MIOS: variants seen among roughly 807,000 people sequenced by gnomAD.
MIOS encodes the protein meiosis regulator for oocyte development.
A neutral mutation model predicts 96.9 loss-of-function variants in MIOS; 52 were observed. That is an observed-to-expected ratio of 0.54 (90% CI 0.43 to 0.68). MIOS has a LOEUF of 0.68. MIOS is among the 30% of genes least tolerant of loss of function. MIOS has a pLI of 0.00. For missense variants in MIOS, 1,005 were observed against 1,052.8 expected (o/e 0.95, Z 0.63); for synonymous variants, 397 against 359.5 (o/e 1.10, Z -1.18).
chr7:7,588,888 T>C (rs1317634546), intron 8 of MIOS, among the ~76,000 whole-genome samples: 1 of 152,140 alleles, frequency 6.6e-6, no homozygotes, highest in Non-Finnish European at 1.5e-5. Context: ...ATGCCTATGC[T>C]GTGTATATAG....
intron 12 of MIOS, among the ~76,000 whole-genome samples, 188 bp from the exon 13 acceptor site, chr7:7,606,808 G>A (rs975417883): frequency 4.6e-5 from 7 of 152,090 alleles, no homozygotes; most frequent in Non-Finnish European, 1.0e-4. Context: ...GTAAACAGGT[G>A]GGCACAGTGG....
At chr7:7,586,638 T>C (rs1436014603) in intron 7 of MIOS, among the ~76,000 whole-genome samples, 2 of 152,262 alleles carry the variant, frequency 1.3e-5, no homozygotes, top group African/African-American at 2.4e-5. Context: ...TGTAAAAATA[T>C]GTATTTTATT....
In MIOS at chr7:7,572,988, A is replaced by G. The variant is rs1360045409; in HGVS notation, c.513A>G (p.Thr171=). ...VKLSAGETET[T]LLVTKPLYEL... The stretch of plus-strand genomic sequence containing the variant: ...TTTCAGCAGGTGAAACTGAAACAAC[A>G]TTATTAGTAACAAAACCACTTTATG... The change falls in exon 4 of 13, where the codon ACA becomes ACG. Residue 171 remains threonine (T), a synonymous_variant. Coordinates refer to ENST00000340080, the MANE Select transcript of MIOS (RefSeq NM_019005.4). The surrounding 1 kb of genome is among the most constrained non-coding windows in gnomAD (Gnocchi z 4.8). The G allele has an allele frequency of 1.2e-6, 2 of 1,613,994 alleles. No homozygotes were observed. The highest frequency in any genetic ancestry group is 1.7e-6 in the Non-Finnish European group (2 of 1,179,990).
rs763608188 is a variant in MIOS at position 7,573,681 on chromosome 7, T to C, written c.1206T>C (p.Tyr402=). 1.2e-6 allele frequency: 2 copies of C among 1,613,764 alleles called. No individual in the cohort carries two copies. The highest frequency in any genetic ancestry group is 2.2e-5 in the South Asian group (2 of 91,074). The change falls in exon 4 of 13, where the codon TAT becomes TAC. Residue 402 remains tyrosine, a synonymous_variant. Transcript: ENST00000340080. The surrounding 1 kb of genome is among the most constrained non-coding windows in gnomAD (Gnocchi z 5.0). ...TGCGTCTTCGGGCTTTATCAAGGTA[T>C]GGACTTGATACAGAGCAGGTGTGGA... The part of the protein sequence containing the change: ...TKMRLRALSR[Y]GLDTEQVWRN...
intron 8 of MIOS, 70 bp downstream of exon 8, chr7:7,588,633 C>A: frequency 6.2e-6 from 6 of 971,602 alleles, no homozygotes; most frequent in Non-Finnish European, 9.0e-6. Flanking sequence ...AGAAACTAGT[C>A]TTTATAATTA....
chr7:7,575,733 A>T (rs1298404953), intron 5 of MIOS, among the ~76,000 whole-genome samples: 1 of 152,204 alleles, frequency 6.6e-6, no homozygotes, highest in African/African-American at 2.4e-5. Flanking sequence ...GCAAAAGGGG[A>T]AAATGTAATA....
chr7:7,589,370 A>C (rs755033498), intron 8 of MIOS, 35 bp from the exon 9 acceptor site: 1 of 1,594,900 alleles, frequency 6.3e-7, no homozygotes, highest in African/African-American at 1.3e-5. Flanking sequence ...ATAGTGAAAC[A>C]GATTGCTTTA....
At chr7:7,575,662 T>C (rs951812067) in intron 5 of MIOS, among the ~76,000 whole-genome samples, 2 of 152,090 alleles carry the variant, frequency 1.3e-5, no homozygotes, top group Non-Finnish European at 2.9e-5. Flanking sequence ...TATTTAGAGG[T>C]TGGTTATTGT....
chr7:7,592,587 G>A (rs1233523011), intron 9 of MIOS, among the ~76,000 whole-genome samples: 1 of 151,962 alleles, frequency 6.6e-6, no homozygotes, highest in Non-Finnish European at 1.5e-5. Flanking sequence ...GAGCTCTGAG[G>A]TTATTTTCCT....
intron 9 of MIOS, among the ~76,000 whole-genome samples, chr7:7,594,776 T>C (rs937365141): frequency 6.6e-6 from 1 of 151,806 alleles, no homozygotes; most frequent in African/African-American, 2.4e-5. Context: ...AAAGTACATA[T>C]TTATGTCATT....
At chr7:7,584,054 C>CT (rs1201829869) in intron 6 of MIOS, among the ~76,000 whole-genome samples, 1 of 151,982 alleles carries the variant, frequency 6.6e-6, no homozygotes, top group African/African-American at 2.4e-5. Flanking sequence ...AGCTATTGGT[C>CT]TTTAGTACAC....
chr7:7,574,298 A>G (rs1414965641), intron 5 of MIOS, 102 bp downstream of exon 5: 2 of 811,316 alleles, frequency 2.5e-6, no homozygotes, highest in Admixed American at 3.2e-5. Flanking sequence ...TTTCAGGATC[A>G]TGTACATAAT....
intron 9 of MIOS, among the ~76,000 whole-genome samples, chr7:7,592,797 G>A (rs1035310007): frequency 1.3e-4 from 20 of 152,158 alleles, no homozygotes; most frequent in African/African-American, 4.8e-4. Flanking sequence ...GGGAGCAGCC[G>A]TAAATACAGA....
chr7:7,604,202 C>G (rs922081327), intron 11 of MIOS, among the ~76,000 whole-genome samples: 1 of 151,974 alleles, frequency 6.6e-6, no homozygotes, highest in African/African-American at 2.4e-5. Flanking sequence ...TACCCTAAAA[C>G]TTTAATAATA....
chr7:7,571,385 C>T (rs1046803325), intron 3 of MIOS, among the ~76,000 whole-genome samples: 1 of 152,172 alleles, frequency 6.6e-6, no homozygotes, highest in African/African-American at 2.4e-5. Context: ...CTCTAATGAT[C>T]ACTTAATCCA....
At chr7:7,578,940 A>T (rs1583630688) in intron 5 of MIOS, among the ~76,000 whole-genome samples, 1 of 152,022 alleles carries the variant, frequency 6.6e-6, no homozygotes, top group African/African-American at 2.4e-5. Context: ...CAAACTCCTA[A>T]CCTCAAGTGA....
chr7:7,589,323 G>A (rs1783980894), intron 8 of MIOS, 82 bp from the exon 9 acceptor site: 4 of 1,232,560 alleles, frequency 3.2e-6, no homozygotes, highest in African/African-American at 1.5e-5. Flanking sequence ...CATTAGGAAT[G>A]AAATTGTTCA....
intron 3 of MIOS, among the ~76,000 whole-genome samples, chr7:7,568,636 T>C (rs1329647759): frequency 6.6e-6 from 1 of 152,172 alleles, no homozygotes; most frequent in East Asian, 1.9e-4. Flanking sequence ...TGTCTGGACA[T>C]TGTAAATAAT....
At position 7,573,246 on chromosome 7, in the gene MIOS, G is replaced by C; in HGVS notation, c.771G>C (p.Glu257Asp). The C allele has an allele frequency of 6.2e-7, 1 of 1,614,086 alleles. No individual in the cohort carries two copies. Among genetic ancestry groups the C allele is most frequent in the Non-Finnish European group, 8.5e-7 (1 of 1,179,972 alleles). The change falls in exon 4 of 13, where the codon GAG becomes GAC. Residue 257 changes from glutamate (E) to aspartate (D), a missense_variant. This residue lies in a region of MIOS where 865 missense variants were observed against 887.9 expected (regional missense o/e 0.97). Transcript: ENST00000340080. This position sits in a 1 kb window ranked among gnomAD's most constrained non-coding sequence, Gnocchi z 5.0. ...QVAIWDLRKFEKPVLTLTEQP... is the reference protein window; with the variant it reads ...QVAIWDLRKFDKPVLTLTEQP... ...CAATATGGGATCTTAGAAAATTTGA[G>C]AAGCCAGTTTTGACATTGACTGAGC...
Sources: gnomAD v4.1 joint callset for allele counts (sites outside exome capture counted in the v4.1 genomes callset) on GRCh38, gnomAD v4.1.1 for gene constraint, gnomAD v4.1.1 regional missense constraint, Gnocchi (gnomAD v3.1) non-coding constraint, MANE v1.5 for transcripts, NCBI Gene and HGNC (gene_info 2026-07-23, HGNC 2026-07-21) for gene names.